The following PPP4R2 variants were observed in gnomAD, a reference collection of about 807,000 sequenced individuals.
PPP4R2 encodes protein phosphatase 4 regulatory subunit 2.
A neutral mutation model predicts 47.2 loss-of-function variants in PPP4R2; 13 were observed. The observed-to-expected ratio is 0.28, with a 90% CI of 0.18 to 0.44. The LOEUF is 0.44. Ranked by LOEUF, PPP4R2 falls within the 20% of genes least tolerant of loss-of-function variation. The pLI is 1.00. For synonymous variants in PPP4R2, 151 were observed against 163.3 expected, an observed-to-expected ratio of 0.92 and a Z score of 0.57; for missense variants, 421 against 491.2, an observed-to-expected ratio of 0.86 and a Z score of 1.35.
At chr3:73,032,339 A>G (rs1295293286) in intron 2 of PPP4R2, among the ~76,000 whole-genome samples, 1 of 150,764 alleles carries the variant, frequency 6.6e-6, no homozygotes, top group Non-Finnish European at 1.5e-5. Context: ...GCTGGAGTGC[A>G]GTAGAGTAGC....
intron 2 of PPP4R2, among the ~76,000 whole-genome samples, chr3:73,006,292 A>G (rs1307007520): frequency 6.9e-6 from 1 of 144,546 alleles, no homozygotes; most frequent in Non-Finnish European, 1.5e-5. Context: ...CTCTGCCTCC[A>G]GGTTCAAGCT....
At chr3:73,065,239 T>C (rs1702967222) in intron 8 of PPP4R2, 98 bp downstream of exon 8, 8 of 1,350,492 alleles carry the variant, frequency 5.9e-6, no homozygotes, top group Non-Finnish European at 6.0e-6. Flanking sequence ...TGGAACTCCT[T>C]ATAATGCTGA....
intron 1 of PPP4R2, 49 bp downstream of exon 1, chr3:72,997,120 C>G (rs1427261573): frequency 9.3e-6 from 12 of 1,293,306 alleles, no homozygotes; most frequent in African/African-American, 1.5e-5. Context: ...CTCCGGCTCG[C>G]TCTTCTCTCC....
At chr3:73,005,145 A>G (rs1160244013) in intron 2 of PPP4R2, among the ~76,000 whole-genome samples, 2 of 151,870 alleles carry the variant, frequency 1.3e-5, no homozygotes, top group Non-Finnish European at 2.9e-5. Flanking sequence ...GTTTCACCAT[A>G]TTGGCCAGGC....
At chr3:73,041,383 A>G (rs373706345) in intron 2 of PPP4R2, among the ~76,000 whole-genome samples, 2 of 152,330 alleles carry the variant, frequency 1.3e-5, no homozygotes, top group East Asian at 3.9e-4. Flanking sequence ...GTGTTTTCTT[A>G]CTTTTGCAGA....
At chr3:73,059,724 C>T (rs190450789) in intron 4 of PPP4R2, among the ~76,000 whole-genome samples, 10 of 151,738 alleles carry the variant, frequency 6.6e-5, no homozygotes, top group African/African-American at 2.2e-4. Flanking sequence ...GGATCACGGT[C>T]AGGAGTTCGA....
chr3:73,043,565 A>G (rs1052083906), intron 2 of PPP4R2, among the ~76,000 whole-genome samples: 3 of 152,196 alleles, frequency 2.0e-5, no homozygotes, highest in African/African-American at 7.2e-5. Context: ...CCAGTAATGT[A>G]TGACATTACC....
At position 73,015,488 on chromosome 3, in the gene PPP4R2, T is replaced by C. The variant is rs867512049; in HGVS notation, c.116+17330T>C. ...CCGTGCCCAGCCTACTGTCTTTTTT[T>C]TTTTTTTTTTAGGGTCTCGCTCTGT... On this transcript the variant is annotated intron_variant, in intron 2 of 8. Transcript: ENST00000356692. Among the ~76,000 whole-genome samples the C allele has an allele frequency of 5.1e-3, 777 of 151,080 alleles. 7 individuals carry two copies. Among genetic ancestry groups the C allele is most frequent in the African/African-American group, 0.018 (748 of 41,076 alleles).
chr3:73,054,540 TGTG>T lies in PPP4R2; in HGVS notation c.288-4494_288-4492del, dbSNP rs112956416. Among the ~76,000 whole-genome samples, 1,398 of 152,318 alleles carry T rather than the reference TGTG, an allele frequency of 9.2e-3. 19 individuals carry two copies. The highest frequency in any genetic ancestry group is 0.032 in the African/African-American group (1,331 of 41,564). On this transcript the variant is annotated intron_variant, in intron 3 of 8. Transcript: ENST00000356692. ...TTTCTGTTAACTAAGACACCACTAATGTGGTCATTTAGTCAGAAAAGACAGTAA... is the reference window on the plus strand; with the variant it reads ...TTTCTGTTAACTAAGACACCACTAATGTCATTTAGTCAGAAAAGACAGTAA...
intron 7 of PPP4R2, 75 bp from the exon 8 acceptor site, chr3:73,064,773 ATTAT>A (rs1181696274): frequency 2.2e-5 from 28 of 1,248,914 alleles, no homozygotes; most frequent in Non-Finnish European, 2.9e-5. Flanking sequence ...AATTTAAAAC[ATTAT>A]TTAACCTTAA....
intron 2 of PPP4R2, among the ~76,000 whole-genome samples, chr3:73,012,881 TA>T (rs1701752342): frequency 6.6e-6 from 1 of 151,118 alleles, no homozygotes; most frequent in Non-Finnish European, 1.5e-5. Flanking sequence ...GGAGCAATCT[TA>T]AATGTAGGTA....
intron 5 of PPP4R2, chr3:73,061,765 G>C (rs1319456953): frequency 7.2e-6 from 2 of 276,886 alleles, no homozygotes; most frequent in Non-Finnish European, 1.4e-5. Flanking sequence ...GTGCGGTGAT[G>C]AGTGATCATA....
At chr3:73,063,897 A>C (rs1702927183) in intron 6 of PPP4R2, 106 bp from the exon 7 acceptor site, 1 of 1,240,760 alleles carries the variant, frequency 8.1e-7, no homozygotes, top group African/African-American at 1.5e-5. Context: ...ATGGGCCTGA[A>C]AACAAAGTTG....
At chr3:73,042,610 G>A (rs751419779) in intron 2 of PPP4R2, among the ~76,000 whole-genome samples, 4 of 151,844 alleles carry the variant, frequency 2.6e-5, no homozygotes, top group African/African-American at 9.7e-5. Context: ...TGATAAGCCC[G>A]CCTCGGCCTC....
intron 2 of PPP4R2, among the ~76,000 whole-genome samples, chr3:73,030,627 T>A (rs1249566263): frequency 2.7e-5 from 4 of 149,174 alleles, no homozygotes; most frequent in Non-Finnish European, 4.4e-5. Context: ...TTTTTTTTTT[T>A]AATTACAGTG....
At position 73,018,438 on chromosome 3, in the gene PPP4R2, GTTATGTTATGTTAT is replaced by G. The variant is rs1326011248; in HGVS notation, c.116+20294_116+20307del. Among the ~76,000 whole-genome samples the G allele has an allele frequency of 1.5e-3, 153 of 103,942 alleles. 3 individuals are homozygous for G. The highest frequency in any genetic ancestry group is 0.012 in the South Asian group (34 of 2,782). 68.2% of individuals were successfully genotyped at this position (103,942 alleles called of 152,430 possible). On this transcript the variant is annotated intron_variant, in intron 2 of 8. Coordinates refer to ENST00000356692, the MANE Select transcript of PPP4R2 (RefSeq NM_174907.4). ...GTTATGTTATGTTATGTTATGTTAT[GTTATGTTATGTTAT>G]TTATGTTATGTTAGTATCCGAAACA...
chr3:73,027,293 A>T (rs532219430), intron 2 of PPP4R2, among the ~76,000 whole-genome samples: 4 of 152,104 alleles, frequency 2.6e-5, no homozygotes, highest in Non-Finnish European at 5.9e-5. Context: ...TTGCCTGGCT[A>T]ATTTTTTGCA....
Position 73,069,119 on chromosome 3 carries a change from TTC to T in PPP4R2, c.*3399_*3400del, listed in dbSNP as rs1175999542. 2 of 152,040 alleles carry T rather than the reference TTC, an allele frequency of 1.3e-5. No homozygotes were observed. Among genetic ancestry groups the T allele is most frequent in the African/African-American group, 4.8e-5 (2 of 41,258 alleles). 9.4% of individuals were successfully genotyped at this position (152,040 alleles called of 1,614,324 possible). On this transcript the variant is annotated 3_prime_UTR_variant, in exon 9 of 9. Transcript: ENST00000356692. ...AAAAATCAGTACACTCTTCAGGATT[TTC>T]TTTTATTTCAACTTGGAGCCTAGAT...
chr3:73,042,549 G>T (rs1401123959), intron 2 of PPP4R2, among the ~76,000 whole-genome samples: 2 of 151,770 alleles, frequency 1.3e-5, no homozygotes, highest in East Asian at 1.9e-4. Context: ...ATTTTTAGTA[G>T]AGACAGGATT....
Sources: allele counts gnomAD v4.1 joint callset (sites outside exome capture counted in the v4.1 genomes callset), GRCh38; gene constraint gnomAD v4.1.1; transcripts MANE v1.5; gene names NCBI Gene and HGNC (gene_info 2026-07-23, HGNC 2026-07-21).